The following DERL1 variants were observed in gnomAD, a reference collection of about 807,000 sequenced individuals.
DERL1 encodes derlin 1.
Under a neutral mutation model 41.6 loss-of-function variants are expected in DERL1, and 24 were observed. The ratio of observed to expected loss-of-function variants is 0.58; its 90% CI spans 0.42 to 0.81. The LOEUF is 0.81. Among genes scored for constraint, DERL1 ranks in the 30% least tolerant of loss-of-function variants. The pLI is 0.00. For missense variants in DERL1, 260 were observed against 314.3 expected, an observed-to-expected ratio of 0.83 and a Z score of 1.31; for synonymous variants, 124 against 112.5, an observed-to-expected ratio of 1.10 and a Z score of -0.65.
At chr8:123,035,046 A>G (rs914951861) in intron 1 of DERL1, among the ~76,000 whole-genome samples, 6 of 152,232 alleles carry the variant, frequency 3.9e-5, no homozygotes, top group African/African-American at 1.4e-4. Flanking sequence ...TTATAAATTC[A>G]TATTTCAACT....
At chr8:123,022,586 G>A in intron 5 of DERL1, 98 bp downstream of exon 5, 1 of 1,159,478 alleles carries the variant, frequency 8.6e-7, no homozygotes, top group South Asian at 1.3e-5. Context: ...CTGCTCTGCA[G>A]TGACCCCTTC....
intron 3 of DERL1, among the ~76,000 whole-genome samples, chr8:123,024,430 C>T (rs1681437826): frequency 2.0e-5 from 3 of 152,122 alleles, no homozygotes; most frequent in Admixed American, 2.0e-4. Flanking sequence ...CCTGAGACAT[C>T]GAGAGCTGCT....
chr8:123,023,715 G>A lies in DERL1; in HGVS notation c.355C>T (p.Gln119Ter). 1 of 1,608,606 alleles carries A rather than the reference G, an allele frequency of 6.2e-7. No homozygotes were observed. Among genetic ancestry groups the A allele is most frequent in the Non-Finnish European group, 8.5e-7 (1 of 1,177,502 alleles). ...AGATAGTTTAAATGGACACTTACCT[G>A]CATATCCATTGCTAAGCCAGTAATC... is the stretch of plus-strand genomic sequence containing the variant. ...IVITGLAMDM[Q>*]LLMIPLIMSV... The change falls in exon 4 of 8, where the codon CAG becomes TAG. Residue 119 changes from glutamine to a stop codon, truncating the protein, a stop_gained and splice_region_variant. Coordinates refer to ENST00000259512, the MANE Select transcript of DERL1 (RefSeq NM_024295.6). LOFTEE classifies it high-confidence loss of function.
At chr8:123,029,372 T>C (rs1370674493) in intron 2 of DERL1, among the ~76,000 whole-genome samples, 1 of 152,230 alleles carries the variant, frequency 6.6e-6, no homozygotes, top group African/African-American at 2.4e-5. Context: ...TTTGTATTAA[T>C]ACAATTTCTT....
chr8:123,020,542 T>C (rs184461213), intron 6 of DERL1, among the ~76,000 whole-genome samples: 12 of 152,072 alleles, frequency 7.9e-5, no homozygotes, highest in East Asian at 3.9e-4. Context: ...CTTAGAGAAG[T>C]TGCATCTTGG....
At chr8:123,033,523 C>T (rs1181803475) in intron 1 of DERL1, among the ~76,000 whole-genome samples, 1 of 152,148 alleles carries the variant, frequency 6.6e-6, no homozygotes, top group Non-Finnish European at 1.5e-5. Flanking sequence ...GTGGGCAGAT[C>T]ACCTGAGGTC....
intron 1 of DERL1, 148 bp downstream of exon 1, chr8:123,041,822 C>T (rs1813080280): frequency 8.8e-7 from 1 of 1,135,208 alleles, no homozygotes; most frequent in Non-Finnish European, 1.2e-6. Flanking sequence ...CCTCCCCGGG[C>T]CCAAAGGACC....
At chr8:123,036,140 T>C (rs1379940501) in intron 1 of DERL1, among the ~76,000 whole-genome samples, 2 of 152,132 alleles carry the variant, frequency 1.3e-5, no homozygotes, top group African/African-American at 4.8e-5. Flanking sequence ...CAACAGAAAT[T>C]ACTATTTCTC....
At chr8:123,041,090 C>T (rs529303955) in intron 1 of DERL1, among the ~76,000 whole-genome samples, 28 of 152,314 alleles carry the variant, frequency 1.8e-4, no homozygotes, top group African/African-American at 6.3e-4. Flanking sequence ...GGTCCTATAA[C>T]TGATTCCCAA....
Position 123,022,792 on chromosome 8 carries a change from T to TC in DERL1, c.358-14dup, listed in dbSNP as rs1387019935. 6.2e-7 allele frequency: 1 copy of TC among 1,613,020 alleles called. No homozygotes were observed. Among genetic ancestry groups the TC allele is most frequent in the Non-Finnish European group, 8.5e-7 (1 of 1,179,194 alleles). ...GAATCATCAGCAACTGCAAAAGAAG[T>TC]CGACATGTAAAAACCAGGCTCCAGA... On this transcript the variant is annotated splice_polypyrimidine_tract_variant and intron_variant, in intron 4 of 7. Coordinates refer to ENST00000259512, the MANE Select transcript of DERL1 (RefSeq NM_024295.6).
intron 3 of DERL1, among the ~76,000 whole-genome samples, chr8:123,024,598 A>G (rs1218972094): frequency 6.6e-6 from 1 of 152,216 alleles, no homozygotes; most frequent in Non-Finnish European, 1.5e-5. Flanking sequence ...ACAGCAATGA[A>G]GTCAGAAAAG....
intron 7 of DERL1, chr8:123,016,034 T>C (rs1197728992): frequency 6.5e-6 from 1 of 152,682 alleles, no homozygotes; most frequent in African/African-American, 2.4e-5. Context: ...TGCACAGCAT[T>C]TCTAAAAGGC....
At chr8:123,018,225 G>C (rs753062457) in intron 7 of DERL1, 8 of 152,108 alleles carry the variant, frequency 5.3e-5, no homozygotes, top group Non-Finnish European at 7.4e-5. Context: ...GCATATCCCT[G>C]ATATGAGATT....
chr8:123,014,217 G>T lies in DERL1; in HGVS notation c.*1230C>A, dbSNP rs531976781. 2.0e-5 allele frequency: 3 copies of T among 152,760 alleles called. No homozygotes were observed. The South Asian group carries it at 6.2e-4, about 32-fold the overall frequency. The allele number at this position is 152,760 out of a possible 1,614,324, so 9.5% of individuals were successfully genotyped here. ...GGAAAAGCCCACCTACGAAAAAAAG[G>T]TGTGGGTATTTAAGCTGGTCTGATT... On this transcript the variant is annotated 3_prime_UTR_variant, in exon 8 of 8. Transcript: ENST00000259512.
At chr8:123,033,250 G>A (rs1342055599) in intron 1 of DERL1, among the ~76,000 whole-genome samples, 1 of 151,816 alleles carries the variant, frequency 6.6e-6, no homozygotes, top group Non-Finnish European at 1.5e-5. Flanking sequence ...TTCAACAATT[G>A]TCACAATTTT....
intron 1 of DERL1, among the ~76,000 whole-genome samples, chr8:123,034,845 GA>G (rs546050369): frequency 2.5e-3 from 374 of 152,276 alleles, no homozygotes; most frequent in Middle Eastern, 0.01. Context: ...GAAAAGTATG[GA>G]CGTCAAATTG....
intron 2 of DERL1, chr8:123,030,371 T>C: frequency 2.8e-6 from 1 of 359,808 alleles, no homozygotes; most frequent in South Asian, 3.6e-5. Context: ...TCTGATCTGC[T>C]ACTTTTTGCA....
chr8:123,015,509 CA>C lies in DERL1; in HGVS notation c.693del (p.Asp232IlefsTer42). On this transcript the variant is annotated frameshift_variant, in exon 8 of 8. Coordinates refer to ENST00000259512, the MANE Select transcript of DERL1 (RefSeq NM_024295.6). LOFTEE classifies it high-confidence loss of function. ...GVPPASMRRA[A>X]DQNGGGGRHN... ...TGTCTCCCGCCTCCGCCATTCTGAT[CA>C]GCAGCTCGCCTCATGCTAGCAGGGG... is the stretch of plus-strand genomic sequence containing the variant. 3.7e-6 allele frequency: 6 copies of C among 1,613,556 alleles called. No homozygotes were observed. The highest frequency in any genetic ancestry group is 4.2e-6 in the Non-Finnish European group (5 of 1,179,814).
chr8:123,024,019 A>G (rs1812626729), intron 3 of DERL1, among the ~76,000 whole-genome samples: 1 of 152,212 alleles, frequency 6.6e-6, no homozygotes, highest in Non-Finnish European at 1.5e-5. Context: ...GAAGGAAAAT[A>G]CTTTTCTATA....
Sources: gnomAD v4.1 joint callset for allele counts (sites outside exome capture counted in the v4.1 genomes callset) on GRCh38, gnomAD v4.1.1 for gene constraint, MANE v1.5 for transcripts, NCBI Gene and HGNC (gene_info 2026-07-23, HGNC 2026-07-21) for gene names.